SOBP: variants seen among roughly 807,000 people sequenced by gnomAD.
SOBP encodes the protein sine oculis-binding protein homolog.
Under a neutral mutation model 53.6 loss-of-function variants are expected in SOBP, and 4 were observed. That is an observed-to-expected ratio of 0.07 (90% confidence interval 0.04 to 0.17). The LOEUF is 0.17. Ranked by LOEUF, SOBP falls within the 10% of genes least tolerant of loss-of-function variation. SOBP has a pLI of 1.00. For synonymous variants in SOBP, 584 were observed against 522.6 expected (o/e 1.12, Z -1.60); for missense variants, 1,088 against 1,204.7 (o/e 0.90, Z 1.43).
At chr6:107,561,521 T>TGGGCTTGGCTGGGCC (rs1223558510) in intron 4 of SOBP, among the ~76,000 whole-genome samples, 2 of 152,180 alleles carry the variant, frequency 1.3e-5, no homozygotes, top group African/African-American at 4.8e-5. Context: ...CAAGTCTGTC[T>TGGGCTTGGCTGGGCC]GGGCTTGGCT....
chr6:107,620,277 ACT>A (rs1299877265), intron 5 of SOBP, among the ~76,000 whole-genome samples: 1 of 151,226 alleles, frequency 6.6e-6, no homozygotes, highest in Non-Finnish European at 1.5e-5. Context: ...CCTTCTCCCC[ACT>A]CTCTAATTTG....
At chr6:107,519,689 C>T (rs1242503515) in intron 3 of SOBP, among the ~76,000 whole-genome samples, 1 of 152,142 alleles carries the variant, frequency 6.6e-6, no homozygotes, top group Non-Finnish European at 1.5e-5. Flanking sequence ...CTTCTTTTGT[C>T]CCCTGGGTAG....
intron 4 of SOBP, among the ~76,000 whole-genome samples, chr6:107,538,127 A>G (rs1166279019): frequency 2.0e-5 from 3 of 152,198 alleles, no homozygotes; most frequent in Non-Finnish European, 2.9e-5. Flanking sequence ...TTTTGGAAGA[A>G]CCCATCTCTA....
At chr6:107,560,365 G>T (rs1277893658) in intron 4 of SOBP, among the ~76,000 whole-genome samples, 3 of 152,096 alleles carry the variant, frequency 2.0e-5, no homozygotes, top group Non-Finnish European at 2.9e-5. Flanking sequence ...AGGGTGAGAA[G>T]TCAACCAAGT....
intron 2 of SOBP, 53 bp downstream of exon 2, chr6:107,503,848 A>G (rs1284097501): frequency 1.2e-6 from 2 of 1,603,588 alleles, no homozygotes; most frequent in African/African-American, 1.3e-5. Context: ...AACTATCTCA[A>G]CCTGCCAGAA....
chr6:107,518,385 G>T (rs1239637671), intron 3 of SOBP, among the ~76,000 whole-genome samples: 5 of 152,182 alleles, frequency 3.3e-5, no homozygotes, highest in African/African-American at 1.2e-4. Context: ...CTCATGCATA[G>T]CTGGTGAGAG....
chr6:107,605,632 G>C (rs1053731015), intron 5 of SOBP, among the ~76,000 whole-genome samples: 1 of 152,166 alleles, frequency 6.6e-6, no homozygotes, highest in Non-Finnish European at 1.5e-5. Context: ...GTGACTCCCA[G>C]ACTGCCTCTG....
At chr6:107,592,074 A>G (rs951745232) in intron 5 of SOBP, among the ~76,000 whole-genome samples, 1 of 149,970 alleles carries the variant, frequency 6.7e-6, no homozygotes, top group Non-Finnish European at 1.5e-5. Flanking sequence ...CTTTGGGACA[A>G]TGCATACATA....
intron 3 of SOBP, among the ~76,000 whole-genome samples, chr6:107,528,501 A>G (rs1009937287): frequency 1.3e-5 from 2 of 152,222 alleles, no homozygotes; most frequent in African/African-American, 4.8e-5. Context: ...ATGTTTAAGT[A>G]GCACTTGCTG....
intron 5 of SOBP, among the ~76,000 whole-genome samples, chr6:107,609,380 A>G (rs1786508250): frequency 6.6e-6 from 1 of 152,128 alleles, no homozygotes; most frequent in African/African-American, 2.4e-5. Flanking sequence ...GTCAAAGGAG[A>G]TAGGATTTTA....
chr6:107,563,884 G>T (rs1784842093), intron 4 of SOBP, among the ~76,000 whole-genome samples: 1 of 152,156 alleles, frequency 6.6e-6, no homozygotes, highest in South Asian at 2.1e-4. Flanking sequence ...CAGCTACTGG[G>T]AGGAGCCAGC....
At chr6:107,599,087 C>T (rs1786055643) in intron 5 of SOBP, among the ~76,000 whole-genome samples, 1 of 152,042 alleles carries the variant, frequency 6.6e-6, no homozygotes, top group Non-Finnish European at 1.5e-5. Flanking sequence ...ACAACCCCTT[C>T]CCCCTGAAAA....
intron 3 of SOBP, among the ~76,000 whole-genome samples, chr6:107,524,008 C>G (rs1255090345): frequency 1.3e-5 from 2 of 152,222 alleles, no homozygotes; most frequent in Non-Finnish European, 2.9e-5. Context: ...TTGTCAACCA[C>G]TGTGGGACCC....
At chr6:107,533,267 G>A (rs1783888102) in intron 3 of SOBP, among the ~76,000 whole-genome samples, 192 bp from the exon 4 acceptor site, 3 of 92,076 alleles carry the variant, frequency 3.3e-5, no homozygotes, top group Admixed American at 1.6e-4. Flanking sequence ...GGAAACTTAG[G>A]AGCCAAAAAA....
At chr6:107,614,905 T>A (rs1017986592) in intron 5 of SOBP, among the ~76,000 whole-genome samples, 1 of 152,364 alleles carries the variant, frequency 6.6e-6, no homozygotes, top group Non-Finnish European at 1.5e-5. Flanking sequence ...TTCTGAAATA[T>A]TTAGAGTTAA....
chr6:107,578,090 A>G (rs1014371293), intron 4 of SOBP, among the ~76,000 whole-genome samples: 4 of 151,006 alleles, frequency 2.6e-5, no homozygotes, highest in African/African-American at 9.7e-5. Context: ...AAAAAAAAAA[A>G]AAAAAGAAGA....
intron 3 of SOBP, chr6:107,529,321 A>G (rs1783753087): frequency 3.3e-6 from 1 of 301,576 alleles, no homozygotes; most frequent in Admixed American, 6.5e-5. Context: ...GTAGATTGAC[A>G]CAGTGCAGCC....
intron 2 of SOBP, among the ~76,000 whole-genome samples, chr6:107,504,951 C>T (rs112036474): frequency 0.015 from 2,281 of 152,298 alleles, 66 homozygotes; most frequent in African/African-American, 0.049. Context: ...GAACATACAG[C>T]ATGCCAGGAT....
At chr6:107,606,860 A>T (rs1268119761) in intron 5 of SOBP, among the ~76,000 whole-genome samples, 1 of 152,162 alleles carries the variant, frequency 6.6e-6, no homozygotes, top group Admixed American at 6.5e-5. Flanking sequence ...GCACCCCATG[A>T]CTTCAAAGGA....
Sources: gnomAD v4.1 joint callset for allele counts (sites outside exome capture counted in the v4.1 genomes callset) on GRCh38, gnomAD v4.1.1 for gene constraint, MANE v1.5 for transcripts, NCBI Gene and HGNC (gene_info 2026-07-23, HGNC 2026-07-21) for gene names.